The following PPP4C variants were observed in gnomAD, a reference collection of about 807,000 sequenced individuals.
The protein encoded by PPP4C is serine/threonine-protein phosphatase 4 catalytic subunit.
In PPP4C, 10 loss-of-function variants were observed where a neutral mutation model predicts 40.5. The ratio of observed to expected loss-of-function variants is 0.25; its 90% CI spans 0.15 to 0.42. The LOEUF (loss-of-function observed/expected upper bound fraction) is 0.42. PPP4C is among the 10% of genes least tolerant of loss of function. PPP4C has a pLI of 1.00. For missense variants in PPP4C, 191 were observed against 416.4 expected (o/e 0.46, Z 4.71); for synonymous variants, 187 against 163.6 (o/e 1.14, Z -1.09).
Position 30,083,060 on chromosome 16 carries a change from C to G in PPP4C, c.303+213C>G, listed in dbSNP as rs1020118485. ...TGGGAGGGGCAGAGGCTCACTGTTG[C>G]GAATGTGGCAGGTCATTGATGCCAC... On this transcript the variant is annotated intron_variant, in intron 5 of 8. Coordinates refer to ENST00000279387, the MANE Select transcript of PPP4C (RefSeq NM_002720.3). This position sits in a 1 kb window ranked among gnomAD's most constrained non-coding sequence, Gnocchi z 6.3. 1.0e-5 allele frequency: 6 copies of G among 591,886 alleles called. No individual in the cohort carries two copies. Among genetic ancestry groups the G allele is most frequent in the African/African-American group, 7.5e-5 (4 of 53,598 alleles). 36.7% of individuals were successfully genotyped at this position (591,886 alleles called of 1,614,324 possible). A position where few individuals can be genotyped will look rare whatever the true frequency, so the allele number is the denominator to read the frequency against.
chr16:30,076,236 G>A, intron 1 of PPP4C, 79 bp from the exon 2 acceptor site: 1 of 831,262 alleles, frequency 1.2e-6, no homozygotes, highest in Admixed American at 2.7e-5. Flanking sequence ...TGGGGGAGCC[G>A]GGCCGGCTCT....
chr16:30,085,226 C>G lies in PPP4C; in HGVS notation c.*164C>G, dbSNP rs2072599661. Reference sequence around the variant, plus strand: ...GACTTCTCTGGAGAGGCCTGGAGACCTAGCTCCATGTTCCTCCTCCTCTCT... The same window carrying G: ...GACTTCTCTGGAGAGGCCTGGAGACGTAGCTCCATGTTCCTCCTCCTCTCT... On this transcript the variant is annotated 3_prime_UTR_variant, in exon 9 of 9. Transcript: ENST00000279387. 2.8e-6 allele frequency: 2 copies of G among 718,250 alleles called. No individual in the cohort carries two copies. 44.5% of individuals were successfully genotyped at this position (718,250 alleles called of 1,614,324 possible). A position where few individuals can be genotyped will look rare whatever the true frequency, so the allele number is the denominator to read the frequency against.
rs562391176 is a variant in PPP4C, at chr16:30,078,457, G to C, written c.98+1982G>C. On this transcript the variant is annotated intron_variant, in intron 2 of 8. Coordinates refer to ENST00000279387, the MANE Select transcript of PPP4C (RefSeq NM_002720.3). ...GGAAGCCATGGAAGGCTGAGGGGTG[G>C]AGGGTCCTGCCCAGTTGAAACTGAG... 2.0e-5 allele frequency among the ~76,000 whole-genome samples: 3 copies of C among 152,322 alleles called. No individual in the cohort carries two copies. In the South Asian group the frequency reaches 6.2e-4, roughly 32 times the overall value.
rs767528346 is a variant in PPP4C, at chr16:30,083,401, A to C, written c.311A>C (p.Tyr104Ser). ...CTTGGTGGCCACCCCCAGGTTCGCT[A>C]TCCTGATCGCATCACACTGATCCGG... is the stretch of plus-strand genomic sequence containing the variant. ...FLLLLALKVR[Y>S]PDRITLIRGN... The change falls in exon 6 of 9, where the codon TAT (tyrosine) becomes TCT (serine). Residue 104 changes from tyrosine (Y) to serine (S), a missense_variant. Around this residue, in one of 3 missense-constraint regions of PPP4C, gnomAD observed 171 missense variants for 352.4 expected, o/e 0.49. Transcript: ENST00000279387. The surrounding 1 kb of genome is among the most constrained non-coding windows in gnomAD (Gnocchi z 6.3). The C allele has an allele frequency of 1.2e-6, 2 of 1,612,434 alleles. No individual in the cohort carries two copies. The highest frequency in any genetic ancestry group is 1.1e-5 in the South Asian group (1 of 91,066).
intron 2 of PPP4C, among the ~76,000 whole-genome samples, chr16:30,078,373 C>T (rs182331607): frequency 1.3e-5 from 2 of 152,272 alleles, no homozygotes; most frequent in East Asian, 3.9e-4. Flanking sequence ...GACTGTGCTC[C>T]GTGGTCACTG....
intron 2 of PPP4C, among the ~76,000 whole-genome samples, chr16:30,077,750 G>C (rs2072429339): frequency 6.6e-6 from 1 of 152,214 alleles, no homozygotes; most frequent in Admixed American, 6.5e-5. Flanking sequence ...AATCCTATGA[G>C]GTTGGAATCA....
At chr16:30,078,031 T>C (rs1025236712) in intron 2 of PPP4C, among the ~76,000 whole-genome samples, 5 of 152,198 alleles carry the variant, frequency 3.3e-5, no homozygotes, top group Non-Finnish European at 7.3e-5. Context: ...TTGTCCCCTT[T>C]CCCTCAGTCC....
chr16:30,083,635 T>C lies in PPP4C; in HGVS notation c.478-20T>C. ...GCTTCAGGCCTCAGCCCCGTCCTCTTTCCCTGCTCTCCCCTGTAGATCTTC... is the reference window on the plus strand; with the variant it reads ...GCTTCAGGCCTCAGCCCCGTCCTCTCTCCCTGCTCTCCCCTGTAGATCTTC... On this transcript the variant is annotated intron_variant, in intron 6 of 8. Transcript: ENST00000279387. The surrounding 1 kb of genome is among the most constrained non-coding windows in gnomAD (Gnocchi z 6.3). The C allele has an allele frequency of 3.1e-6, 5 of 1,614,100 alleles. No individual in the cohort carries two copies. The highest frequency in any genetic ancestry group is 4.2e-6 in the Non-Finnish European group (5 of 1,179,990).
rs768191100 is a variant in PPP4C at position 30,082,738 on chromosome 16, C to A, written c.202-8C>A. 4 of 1,611,778 alleles carry A rather than the reference C, an allele frequency of 2.5e-6. No homozygotes were observed. The highest frequency in any genetic ancestry group is 8.5e-7 in the Non-Finnish European group (1 of 1,178,368). On this transcript the variant is annotated splice_region_variant and splice_polypyrimidine_tract_variant and intron_variant, in intron 4 of 8. Transcript: ENST00000279387. ...TACGACAGGGCAAAACTTTCTACTT[C>A]CCCACAGGTAGGTGGCGACGTCCCT...
rs373497549 is a variant in PPP4C, at chr16:30,077,595, G to T, written c.98+1120G>T. On this transcript the variant is annotated intron_variant, in intron 2 of 8. Transcript: ENST00000279387. ...TCCTCTGGGGAACTGTGTGATTGTG[G>T]CTTCTACCAGGCTGGAGAATTGTGG... 4.0e-4 allele frequency among the ~76,000 whole-genome samples: 61 copies of T among 152,268 alleles called. 2 individuals are homozygous for T. The highest frequency in any genetic ancestry group is 1.3e-3 in the African/African-American group (56 of 41,560).
In PPP4C at chr16:30,083,255, A is replaced by T; in HGVS notation, c.304-139A>T. 9.9e-7 allele frequency: 1 copy of T among 1,008,862 alleles called. No homozygotes were observed. Among genetic ancestry groups the T allele is most frequent in the Non-Finnish European group, 1.5e-6 (1 of 679,206 alleles). The allele number at this position is 1,008,862 out of a possible 1,614,324, so 62.5% of individuals were successfully genotyped here. On this transcript the variant is annotated intron_variant, in intron 5 of 8. Transcript: ENST00000279387. This position sits in a 1 kb window ranked among gnomAD's most constrained non-coding sequence, Gnocchi z 6.3. ...GTGGGCCTGGGAGGTGGCTGATGCC[A>T]CACGATTCAGGCAAGAGGTGCCAGG... is the stretch of plus-strand genomic sequence containing the variant.
At chr16:30,084,248 G>A (rs559808420) in intron 7 of PPP4C, among the ~76,000 whole-genome samples, 1 of 148,586 alleles carries the variant, frequency 6.7e-6, no homozygotes, top group Non-Finnish European at 1.5e-5. Flanking sequence ...CCACACACAC[G>A]CACACGAGGC....
In PPP4C at chr16:30,076,023, C is replaced by A. The variant is rs929791700; in HGVS notation, c.-135C>A. 4 of 378,572 alleles carry A rather than the reference C, an allele frequency of 1.1e-5. No homozygotes were observed. The highest frequency in any genetic ancestry group is 8.6e-5 in the Admixed American group (2 of 23,142). 23.5% of individuals were successfully genotyped at this position (378,572 alleles called of 1,614,324 possible). A position where few individuals can be genotyped will look rare whatever the true frequency, so the allele number is the denominator to read the frequency against. ...GAAGTAGGAGCGGCGGCGGCGGCGG[C>A]GGCGGCGGTCGAAAGCGGAGTGAAA... On this transcript the variant is annotated 5_prime_UTR_variant, in exon 1 of 9. Transcript: ENST00000279387.
intron 2 of PPP4C, among the ~76,000 whole-genome samples, chr16:30,080,887 G>C (rs961087322): frequency 6.6e-6 from 1 of 152,170 alleles, no homozygotes; most frequent in Non-Finnish European, 1.5e-5. Flanking sequence ...TGGGAGAAGG[G>C]CTCTGTGATT....
chr16:30,085,290 C>G lies in PPP4C; in HGVS notation c.*228C>G. The G allele has an allele frequency of 2.5e-6, 1 of 402,950 alleles. No individual in the cohort carries two copies. The highest frequency in any genetic ancestry group is 4.3e-6 in the Non-Finnish European group (1 of 230,030). 25.0% of individuals were successfully genotyped at this position (402,950 alleles called of 1,614,324 possible). A position where few individuals can be genotyped will look rare whatever the true frequency, so the allele number is the denominator to read the frequency against. ...ATGAAGTTTCCAATAATTTTTTTTT[C>G]TTTTTTTCCTTCTTTTTTCTGTTTG... On this transcript the variant is annotated 3_prime_UTR_variant, in exon 9 of 9. Transcript: ENST00000279387.
chr16:30,082,033 C>A (rs1443633036), intron 3 of PPP4C, among the ~76,000 whole-genome samples: 1 of 146,968 alleles, frequency 6.8e-6, no homozygotes, highest in Non-Finnish European at 1.5e-5. Context: ...CCAGGCTAGG[C>A]GACAGAGTGA....
At chr16:30,079,858 G>T (rs1268028522) in intron 2 of PPP4C, among the ~76,000 whole-genome samples, 1 of 152,134 alleles carries the variant, frequency 6.6e-6, no homozygotes, top group African/African-American at 2.4e-5. Context: ...AGGCTTCCCT[G>T]GTTCATATCC....
intron 7 of PPP4C, 117 bp from the exon 8 acceptor site, chr16:30,084,549 G>C (rs936528481): frequency 5.6e-6 from 5 of 897,814 alleles, no homozygotes; most frequent in African/African-American, 1.7e-5. Flanking sequence ...CCATGCTCTG[G>C]TCCCACGGGC....
At chr16:30,076,282 A>G in intron 1 of PPP4C, 33 bp from the exon 2 acceptor site, 2 of 1,275,622 alleles carry the variant, frequency 1.6e-6, no homozygotes, top group Non-Finnish European at 2.2e-6. Context: ...CCGGACGGAC[A>G]CTGATCCGCG....
Sources: gnomAD v4.1 joint callset for allele counts (sites outside exome capture counted in the v4.1 genomes callset) on GRCh38, gnomAD v4.1.1 for gene constraint, gnomAD v4.1.1 regional missense constraint, Gnocchi (gnomAD v3.1) non-coding constraint, MANE v1.5 for transcripts, NCBI Gene and HGNC (gene_info 2026-07-23, HGNC 2026-07-21) for gene names.